The following NOL3 variants were observed in gnomAD, a reference collection of about 807,000 sequenced individuals.
NOL3 encodes the protein nucleolar protein 3.
NOL3 carries 18 observed loss-of-function variants against 19.2 expected under a neutral mutation model. That is an observed-to-expected ratio of 0.94 (90% CI 0.65 to 1.39). The LOEUF is 1.39. NOL3 is among the 40% of genes most tolerant of loss of function. NOL3 has a pLI of 0.00. For synonymous variants in NOL3, 127 were observed against 137.3 expected (o/e 0.93, Z 0.52); for missense variants, 290 against 289.5 (o/e 1.00, Z -0.01).
Position 67,174,389 on chromosome 16 carries a change from C to T in NOL3, c.220C>T (p.Gln74Ter), listed in dbSNP as rs375650340. Residue 74 changes from glutamine (Q) to a stop codon, truncating the protein, a stop_gained, in exon 2 of 4, where the codon CAG becomes TAG. Transcript: ENST00000268605. LOFTEE classifies it high-confidence loss of function. ...GCAGGGCAAGGGCGAGGCCGCCTGCCAGGAGCTGCTACGCTGTGCCCAGCG... is the reference window on the plus strand; with the variant it reads ...GCAGGGCAAGGGCGAGGCCGCCTGCTAGGAGCTGCTACGCTGTGCCCAGCG... The T allele has an allele frequency of 2.0e-5, 31 of 1,558,814 alleles. No individual in the cohort carries two copies. Among genetic ancestry groups the T allele is most frequent in the Non-Finnish European group, 2.4e-5 (28 of 1,156,068 alleles).
exon 4 of NOL3, chr16:67,175,419 G>A: frequency 9.6e-7 from 1 of 1,037,912 alleles, no homozygotes; most frequent in South Asian, 3.6e-5. Flanking sequence ...TTCCCCTGGT[G>A]AGCCACTTGG....
chr16:67,174,522 G>C, intron 2 of NOL3, 58 bp downstream of exon 2: 1 of 1,468,552 alleles, frequency 6.8e-7, no homozygotes. Context: ...GCAGACAAAA[G>C]GCCCGGGGAG....
At position 67,174,948 on chromosome 16, in the gene NOL3, T is replaced by A. The variant is rs1363699541; in HGVS notation, c.619+4T>A. The stretch of plus-strand genomic sequence containing the variant: ...GAGGAAAGGGACGAGTCCGAAGGTG[T>A]GAGTCCGCCCAAACCCTGAGCCGGC... On this transcript the variant is annotated splice_donor_region_variant and intron_variant, in intron 3 of 3. Coordinates refer to ENST00000268605, the Ensembl canonical transcript of NOL3. The A allele has an allele frequency of 3.7e-6, 6 of 1,610,778 alleles. No individual in the cohort carries two copies. The Admixed American group carries it at 1.0e-4, about 27-fold the overall frequency.
chr16:67,174,260 T>C, exon 2 of NOL3: 2 of 1,612,608 alleles, frequency 1.2e-6, no homozygotes, highest in Non-Finnish European at 1.7e-6. Context: ...GGGACTGCTG[T>C]TGGACGCGCT....
chr16:67,174,553 T>C (rs1269650675), intron 2 of NOL3, 68 bp from the exon 3 acceptor site: 12 of 1,495,002 alleles, frequency 8.0e-6, no homozygotes, highest in Non-Finnish European at 9.7e-6. Flanking sequence ...TCGTCTCCGC[T>C]AGAAGTAGGC....
chr16:67,171,200 T>TG (rs2031734800), intron 1 of NOL3: 1 of 152,386 alleles, frequency 6.6e-6, no homozygotes, highest in Admixed American at 6.5e-5. Context: ...AGGGACACTC[T>TG]GGAAAACTCA....
exon 2 of NOL3, chr16:67,174,347 C>A: frequency 1.9e-6 from 3 of 1,590,634 alleles, no homozygotes; most frequent in Non-Finnish European, 2.6e-6. Flanking sequence ...CAGGGTGCGC[C>A]GCCTACTGCT....
exon 4 of NOL3, chr16:67,175,162 G>GAAGT: frequency 6.3e-7 from 1 of 1,590,540 alleles, no homozygotes. Context: ...AGTACCGCTG[G>GAAGT]AAGTGAATAA....
chr16:67,174,157 T>C lies in NOL3; in HGVS notation c.-8-5T>C. The C allele has an allele frequency of 6.2e-7, 1 of 1,606,086 alleles. No individual in the cohort carries two copies. Among genetic ancestry groups the C allele is most frequent in the African/African-American group, 1.3e-5 (1 of 74,956 alleles). On this transcript the variant is annotated splice_region_variant and splice_polypyrimidine_tract_variant and intron_variant, in intron 1 of 3. Coordinates refer to ENST00000268605, the Ensembl canonical transcript of NOL3. ...CCATTACTTCTCTCCCCTTTCCCCA[T>C]GCAGCCCCGACAATGGGCAACGCGC...
chr16:67,175,190 G>A (rs1597257524), exon 4 of NOL3: 5 of 1,557,424 alleles, frequency 3.2e-6, no homozygotes, highest in Admixed American at 3.8e-5. Flanking sequence ...AGGGTCGGAC[G>A]GGACCTGGGC....
exon 3 of NOL3, chr16:67,174,626 C>A: frequency 6.5e-7 from 1 of 1,531,238 alleles, no homozygotes; most frequent in Non-Finnish European, 8.7e-7. Flanking sequence ...CCCAGGCTAC[C>A]GGGACCGCAG....
intron 1 of NOL3, 111 bp from the exon 2 acceptor site, chr16:67,174,051 A>T: frequency 6.4e-7 from 1 of 1,563,462 alleles, no homozygotes; most frequent in Non-Finnish European, 8.7e-7. Context: ...ATCGAGGTGA[A>T]CTTAAACCCC....
At chr16:67,174,116 C>G (rs1452357367) in intron 1 of NOL3, 46 bp from the exon 2 acceptor site, 2 of 1,600,216 alleles carry the variant, frequency 1.2e-6, no homozygotes, top group East Asian at 2.2e-5. Flanking sequence ...GCGAGGGCAG[C>G]GGGGAGGGCA....
chr16:67,175,376 G>T (rs1422161474), exon 4 of NOL3: 3 of 1,250,824 alleles, frequency 2.4e-6, no homozygotes, highest in East Asian at 3.2e-5. Flanking sequence ...GTGGGACAAG[G>T]ACCTGACCCT....
chr16:67,173,260 T>G (rs1287929597), intron 1 of NOL3, among the ~76,000 whole-genome samples: 1 of 151,904 alleles, frequency 6.6e-6, no homozygotes, highest in Non-Finnish European at 1.5e-5. Context: ...GGGAGCCAGG[T>G]GGGTCAGCAG....
At position 67,174,830 on chromosome 16, in the gene NOL3, CCGGA is replaced by C; in HGVS notation, c.506_509del (p.Pro169ArgfsTer54). On this transcript the variant is annotated frameshift_variant, in exon 3 of 4. Coordinates refer to ENST00000268605, the Ensembl canonical transcript of NOL3. LOFTEE classifies it high-confidence loss of function. ...GGCCTCTAAAGAGGCTGAACCGGAG[CCGGA>C]GCCAGAGCCAGAGCTGGAACCCGAG... 1.2e-6 allele frequency: 2 copies of C among 1,603,866 alleles called. No individual in the cohort carries two copies. Among genetic ancestry groups the C allele is most frequent in the Non-Finnish European group, 1.7e-6 (2 of 1,174,896 alleles).
chr16:67,171,346 A>G (rs1341386653), intron 1 of NOL3: 1 of 152,336 alleles, frequency 6.6e-6, no homozygotes, highest in African/African-American at 2.4e-5. Context: ...GGTGTAGACA[A>G]GGGAACATTT....
chr16:67,175,317 C>A, exon 4 of NOL3: 1 of 1,383,068 alleles, frequency 7.2e-7, no homozygotes, highest in Non-Finnish European at 9.3e-7. Context: ...CCCTAATCTG[C>A]CCTTAGGAGT....
chr16:67,174,808 C>T lies in NOL3; in HGVS notation c.483C>T (p.Ala161=), dbSNP rs1436338815. 1.9e-6 allele frequency: 3 copies of T among 1,604,972 alleles called. No homozygotes were observed. The highest frequency in any genetic ancestry group is 2.6e-6 in the Non-Finnish European group (3 of 1,175,446). Residue 161 remains alanine (A), a synonymous_variant, in exon 3 of 4, where the codon GCC becomes GCT. Transcript: ENST00000268605. The stretch of plus-strand genomic sequence containing the variant: ...CAGAGCCAGAGCTGGAAGCTGAGGC[C>T]TCTAAAGAGGCTGAACCGGAGCCGG...
Sources: gnomAD v4.1 joint callset for allele counts (sites outside exome capture counted in the v4.1 genomes callset) on GRCh38, gnomAD v4.1.1 for gene constraint, MANE v1.5 for transcripts, NCBI Gene and HGNC (gene_info 2026-07-23, HGNC 2026-07-21) for gene names.